Variants in CORIN observed in about 807,000 individuals in gnomAD.
The protein encoded by CORIN is atrial natriuretic peptide-converting enzyme.
A neutral mutation model predicts 125.3 loss-of-function variants in CORIN; 117 were observed. The observed-to-expected ratio is 0.93, with a 90% CI of 0.80 to 1.09. The LOEUF (loss-of-function observed/expected upper bound fraction) is 1.09, where lower values mean the gene tolerates loss of function less well. Ranked by LOEUF, CORIN falls within the 50% of genes least tolerant of loss-of-function variation. The pLI is 0.00. For synonymous variants in CORIN, 450 were observed against 466.4 expected (o/e 0.96, Z 0.45); for missense variants, 1,253 against 1,306.7 (o/e 0.96, Z 0.63).
intron 3 of CORIN, among the ~76,000 whole-genome samples, chr4:47,774,326 G>A (rs1483043964): frequency 6.6e-6 from 1 of 152,092 alleles, no homozygotes; most frequent in Non-Finnish European, 1.5e-5. Context: ...CTTCTCAGCT[G>A]GCAGGGCAGG....
intron 1 of CORIN, among the ~76,000 whole-genome samples, chr4:47,822,699 T>A (rs1308165327): frequency 6.6e-6 from 1 of 152,218 alleles, no homozygotes; most frequent in Non-Finnish European, 1.5e-5. Context: ...CTTTTATTGA[T>A]GACAGTCATA....
At chr4:47,629,949 A>C (rs187908006) in intron 16 of CORIN, among the ~76,000 whole-genome samples, 11 of 152,214 alleles carry the variant, frequency 7.2e-5, no homozygotes, top group Admixed American at 4.6e-4. Context: ...CTGGTAATTT[A>C]ATCCCTATGG....
At chr4:47,726,928 A>C (rs1361263748) in intron 5 of CORIN, among the ~76,000 whole-genome samples, 1 of 151,996 alleles carries the variant, frequency 6.6e-6, no homozygotes, top group Non-Finnish European at 1.5e-5. Context: ...AAATTAACCA[A>C]TATTTCCATT....
At chr4:47,597,553 T>C (rs1198525079) in intron 21 of CORIN, among the ~76,000 whole-genome samples, 3 of 152,152 alleles carry the variant, frequency 2.0e-5, no homozygotes, top group African/African-American at 7.2e-5. Flanking sequence ...TACATGTATA[T>C]AATGCTTAGA....
intron 19 of CORIN, among the ~76,000 whole-genome samples, chr4:47,619,768 T>C (rs1722223872): frequency 6.6e-6 from 1 of 152,192 alleles, no homozygotes; most frequent in Non-Finnish European, 1.5e-5. Flanking sequence ...AACTAGCACA[T>C]AAAGAGTGCT....
At chr4:47,661,492 G>T in intron 12 of CORIN, 1 of 488,904 alleles carries the variant, frequency 2.0e-6, no homozygotes, top group Non-Finnish European at 3.6e-6. Context: ...AATAGAAATA[G>T]AAAATGACTT....
chr4:47,644,982 T>C, intron 14 of CORIN, 99 bp downstream of exon 14: 4 of 634,644 alleles, frequency 6.3e-6, no homozygotes, highest in Non-Finnish European at 1.1e-5. Context: ...CTAAAAGATT[T>C]GTATGCATAT....
At chr4:47,805,135 C>CAAAA (rs755747242) in intron 2 of CORIN, among the ~76,000 whole-genome samples, 20 of 129,402 alleles carry the variant, frequency 1.5e-4, no homozygotes, top group African/African-American at 5.6e-4. Context: ...GACTCCATCT[C>CAAAA]AAAAAAAAAA....
chr4:47,743,061 C>T (rs1189033531), intron 5 of CORIN, among the ~76,000 whole-genome samples: 1 of 152,004 alleles, frequency 6.6e-6, no homozygotes. Context: ...CTATCTTTTA[C>T]CTTTCACCAT....
chr4:47,714,812 G>A (rs1727014242), intron 5 of CORIN, among the ~76,000 whole-genome samples: 1 of 152,198 alleles, frequency 6.6e-6, no homozygotes, highest in South Asian at 2.1e-4. Flanking sequence ...TTTTTAGCTA[G>A]AGGAAACATG....
intron 5 of CORIN, among the ~76,000 whole-genome samples, chr4:47,741,737 G>A (rs887081367): frequency 4.1e-4 from 63 of 151,934 alleles, no homozygotes; most frequent in Admixed American, 1.3e-4. Context: ...AATGAATGAA[G>A]TACTAATAAT....
chr4:47,633,480 A>G (rs1020391765), intron 16 of CORIN, among the ~76,000 whole-genome samples: 2 of 152,218 alleles, frequency 1.3e-5, no homozygotes, highest in African/African-American at 4.8e-5. Context: ...ATTTGAACAT[A>G]TATAAAATTC....
At chr4:47,805,148 AAATAATAAT>A (rs1553919339) in intron 2 of CORIN, among the ~76,000 whole-genome samples, 66 of 129,154 alleles carry the variant, frequency 5.1e-4, no homozygotes, top group African/African-American at 1.8e-3. Flanking sequence ...AAAAAAAAAA[AAATAATAAT>A]AATAATAATA....
At chr4:47,789,932 G>A (rs1179722402) in intron 2 of CORIN, among the ~76,000 whole-genome samples, 1 of 152,200 alleles carries the variant, frequency 6.6e-6, no homozygotes, top group African/African-American at 2.4e-5. Flanking sequence ...TGAGGCAGGA[G>A]AATGGCATGA....
At chr4:47,703,824 T>C (rs1412930357) in intron 5 of CORIN, among the ~76,000 whole-genome samples, 3 of 152,182 alleles carry the variant, frequency 2.0e-5, no homozygotes, top group African/African-American at 7.2e-5. Context: ...CTTATGGATA[T>C]AGCATATCTA....
chr4:47,670,281 C>A (rs1434817906), intron 10 of CORIN, among the ~76,000 whole-genome samples: 1 of 152,180 alleles, frequency 6.6e-6, no homozygotes, highest in Non-Finnish European at 1.5e-5. Flanking sequence ...TTCATTAATT[C>A]AACGTGTTAC....
chr4:47,654,601 A>G (rs563988564), intron 12 of CORIN, among the ~76,000 whole-genome samples: 8 of 152,346 alleles, frequency 5.3e-5, no homozygotes, highest in Admixed American at 4.6e-4. Flanking sequence ...GCCAGTGCCC[A>G]TGCATGGAGG....
At chr4:47,636,005 G>A (rs1015193234) in intron 16 of CORIN, among the ~76,000 whole-genome samples, 3 of 152,146 alleles carry the variant, frequency 2.0e-5, no homozygotes, top group African/African-American at 7.2e-5. Context: ...TGCAACCATG[G>A]TGATGACTGG....
intron 3 of CORIN, among the ~76,000 whole-genome samples, chr4:47,779,615 T>G (rs776986840): frequency 6.6e-6 from 1 of 151,954 alleles, no homozygotes; most frequent in Non-Finnish European, 1.5e-5. Flanking sequence ...TTTGTATTTT[T>G]AGTAGAGACA....
Sources: allele counts gnomAD v4.1 joint callset (sites outside exome capture counted in the v4.1 genomes callset), GRCh38; gene constraint gnomAD v4.1.1; transcripts MANE v1.5; gene names NCBI Gene and HGNC (gene_info 2026-07-23, HGNC 2026-07-21).